The following CD28 variants were observed in gnomAD, a reference collection of about 807,000 sequenced individuals.
CD28 encodes CD28 molecule.
A neutral mutation model predicts 21.4 loss-of-function variants in CD28; 8 were observed. The observed-to-expected ratio is 0.37, with a 90% CI of 0.22 to 0.68. The LOEUF (loss-of-function observed/expected upper bound fraction) is 0.68. Among genes scored for constraint, CD28 ranks in the 30% least tolerant of loss-of-function variants. CD28 has a pLI of 0.55. For missense variants in CD28, 239 were observed against 272.2 expected (o/e 0.88, Z 0.86); for synonymous variants, 106 against 104.0 (o/e 1.02, Z -0.12).
intron 2 of CD28, among the ~76,000 whole-genome samples, chr2:203,728,005 T>A (rs1043200376): frequency 2.0e-5 from 3 of 150,866 alleles, no homozygotes; most frequent in Non-Finnish European, 4.4e-5. Context: ...AGAGACGGGG[T>A]TTCACCGTGT....
chr2:203,735,704 C>T lies in CD28; in HGVS notation c.*792C>T, dbSNP rs572005078. ...AAGAATATGTCAGGAAATAAGGTCA[C>T]TTTATGTCAAAATTATTTGAGTACT... On this transcript the variant is annotated 3_prime_UTR_variant, in exon 4 of 4. Transcript: ENST00000324106. 1 of 152,302 alleles carries T rather than the reference C, an allele frequency of 6.6e-6. No individual in the cohort carries two copies. The highest frequency in any genetic ancestry group is 1.5e-5 in the Non-Finnish European group (1 of 68,022). 9.4% of individuals were successfully genotyped at this position (152,302 alleles called of 1,614,324 possible). A position where few individuals can be genotyped will look rare whatever the true frequency, so the allele number is the denominator to read the frequency against.
chr2:203,731,177 T>A (rs995575883), intron 3 of CD28, among the ~76,000 whole-genome samples: 1 of 152,226 alleles, frequency 6.6e-6, no homozygotes, highest in Admixed American at 6.5e-5. Context: ...TGGCTTGCCT[T>A]CTGCAAGTTG....
chr2:203,711,669 C>T, intron 1 of CD28, among the ~76,000 whole-genome samples: 1 of 152,078 alleles, frequency 6.6e-6, no homozygotes, highest in East Asian at 1.9e-4. Context: ...ATTGTGAGCC[C>T]CTTTCTGCAA....
At position 203,716,544 on chromosome 2, in the gene CD28, A is replaced by G. The variant is rs142465337; in HGVS notation, c.52+9796A>G. Among the ~76,000 whole-genome samples, 286 of 152,336 alleles carry G rather than the reference A, an allele frequency of 1.9e-3. 1 individual carries two copies. The highest frequency in any genetic ancestry group is 3.4e-3 in the Middle Eastern group (1 of 294). On this transcript the variant is annotated intron_variant, in intron 1 of 3. Transcript: ENST00000324106. ...GCAGAAGTCAGAATACCAAAGGACG[A>G]TTCTGTGACACATCAAAATTTCTTC...
chr2:203,720,688 A>T (rs770792099), intron 1 of CD28, among the ~76,000 whole-genome samples: 104 of 152,378 alleles, frequency 6.8e-4, no homozygotes, highest in Non-Finnish European at 1.2e-3. Flanking sequence ...CCGAAAATAC[A>T]TATCAAAGCC....
At chr2:203,717,484 G>A (rs1244561610) in intron 1 of CD28, among the ~76,000 whole-genome samples, 2 of 152,138 alleles carry the variant, frequency 1.3e-5, no homozygotes. Context: ...ACAGGCTCTG[G>A]CACTACCCCT....
intron 1 of CD28, among the ~76,000 whole-genome samples, chr2:203,712,775 G>A (rs900668589): frequency 9.9e-5 from 15 of 152,222 alleles, no homozygotes; most frequent in African/African-American, 3.6e-4. Context: ...AGACTGGACA[G>A]TAGACAAGAT....
chr2:203,733,100 G>T (rs536801785), intron 3 of CD28, among the ~76,000 whole-genome samples: 5 of 152,196 alleles, frequency 3.3e-5, no homozygotes, highest in Middle Eastern at 3.4e-3. Context: ...ACTCATCTGG[G>T]GACAGACATT....
At chr2:203,733,959 A>G (rs1466521692) in intron 3 of CD28, among the ~76,000 whole-genome samples, 2 of 152,210 alleles carry the variant, frequency 1.3e-5, no homozygotes, top group Non-Finnish European at 2.9e-5. Flanking sequence ...CATGTCATTC[A>G]TGTACAGCAT....
At chr2:203,728,944 T>C (rs1258944483) in intron 2 of CD28, among the ~76,000 whole-genome samples, 2 of 152,190 alleles carry the variant, frequency 1.3e-5, no homozygotes, top group Non-Finnish European at 2.9e-5. Flanking sequence ...GAGATTCTGA[T>C]GTAATTGATA....
chr2:203,711,228 A>G (rs1181388), intron 1 of CD28, among the ~76,000 whole-genome samples: 121,957 of 152,120 alleles, frequency 0.8, 49,419 homozygotes, highest in South Asian at 0.88. Context: ...GCCCCACAGA[A>G]AGGTGGTTGC....
intron 1 of CD28, among the ~76,000 whole-genome samples, chr2:203,707,107 G>T (rs1477403128): frequency 6.6e-6 from 1 of 152,034 alleles, no homozygotes; most frequent in African/African-American, 2.4e-5. Flanking sequence ...GCCTCCCAAA[G>T]TGCTAGGGTT....
intron 3 of CD28, among the ~76,000 whole-genome samples, chr2:203,731,201 G>C (rs546589974): frequency 6.6e-6 from 1 of 152,374 alleles, no homozygotes; most frequent in East Asian, 1.9e-4. Context: ...AACCCTGAAG[G>C]TGGGGCTTTG....
At chr2:203,729,293 T>C (rs1693828595) in intron 2 of CD28, among the ~76,000 whole-genome samples, 1 of 152,192 alleles carries the variant, frequency 6.6e-6, no homozygotes, top group Non-Finnish European at 1.5e-5. Context: ...ATTCCAAGGA[T>C]GCAGTTTAGG....
Position 203,735,003 on chromosome 2 carries a change from G to A in CD28, c.*91G>A, listed in dbSNP as rs1226914985. 20 of 1,484,094 alleles carry A rather than the reference G, an allele frequency of 1.3e-5. No homozygotes were observed. The highest frequency in any genetic ancestry group is 1.5e-5 in the Non-Finnish European group (16 of 1,101,690). The allele number at this position is 1,484,094 out of a possible 1,614,324, so 91.9% of individuals were successfully genotyped here. On this transcript the variant is annotated 3_prime_UTR_variant, in exon 4 of 4. Transcript: ENST00000324106. ...TAGGAAATGACCGCCATCTCCAGCC[G>A]GCCACCTCAGGCCCCTGTTGGGCCA...
chr2:203,721,984 G>T (rs1178376390), intron 1 of CD28, among the ~76,000 whole-genome samples: 2 of 151,974 alleles, frequency 1.3e-5, no homozygotes, highest in Admixed American at 1.3e-4. Flanking sequence ...CTGGGAGAGG[G>T]AGTCAAACTG....
intron 1 of CD28, among the ~76,000 whole-genome samples, chr2:203,720,483 G>A (rs898273894): frequency 6.6e-6 from 1 of 152,116 alleles, no homozygotes; most frequent in Non-Finnish European, 1.5e-5. Flanking sequence ...GAAAGGGCTG[G>A]GTCTCCTGAT....
Position 203,734,931 on chromosome 2 carries a change from A to C in CD28, c.*19A>C, listed in dbSNP as rs1306844343. On this transcript the variant is annotated 3_prime_UTR_variant, in exon 4 of 4. Coordinates refer to ENST00000324106, the MANE Select transcript of CD28 (RefSeq NM_006139.4). ...CTCCTGACACGGACGCCTATCCAGA[A>C]GCCAGCCGGCTGGCAGCCCCCATCT... 1.2e-6 allele frequency: 2 copies of C among 1,612,214 alleles called. No homozygotes were observed. The highest frequency in any genetic ancestry group is 1.1e-5 in the South Asian group (1 of 90,836).
intron 1 of CD28, among the ~76,000 whole-genome samples, chr2:203,725,489 G>GA (rs11374410): frequency 0.098 from 13,009 of 132,958 alleles, 1,109 homozygotes; most frequent in East Asian, 0.52. Context: ...CATTAGAAAA[G>GA]AAAAAAAAAA....
Sources: gnomAD v4.1 joint callset for allele counts (sites outside exome capture counted in the v4.1 genomes callset) on GRCh38, gnomAD v4.1.1 for gene constraint, MANE v1.5 for transcripts, NCBI Gene and HGNC (gene_info 2026-07-23, HGNC 2026-07-21) for gene names.